The following YY1AP1 variants were observed in gnomAD, a reference collection of about 807,000 sequenced individuals.
YY1AP1 encodes YY1 associated protein 1.
In YY1AP1, 43 loss-of-function variants were observed where a neutral mutation model predicts 39.9. The observed-to-expected ratio is 1.08, with a 90% CI of 0.84 to 1.39. The LOEUF (loss-of-function observed/expected upper bound fraction) is 1.39, where lower values mean the gene tolerates loss of function less well. Among genes scored for constraint, YY1AP1 ranks in the 40% most tolerant of loss-of-function variants. The pLI, the probability that YY1AP1 is intolerant of heterozygous loss-of-function variation, is 0.00. For missense variants in YY1AP1, 813 were observed against 900.7 expected (o/e 0.90, Z 1.25); for synonymous variants, 292 against 331.3 (o/e 0.88, Z 1.29).
Position 155,665,534 on chromosome 1 carries a change from C to T in YY1AP1, c.879+3093G>A, listed in dbSNP as rs973784896. Among the ~76,000 whole-genome samples the T allele has an allele frequency of 2.6e-5, 4 of 151,632 alleles. No homozygotes were observed. The East Asian group carries it at 5.8e-4, about 22-fold the overall frequency. On this transcript the variant is annotated intron_variant, in intron 9 of 10. Coordinates refer to ENST00000355499, the MANE Select transcript of YY1AP1 (RefSeq NM_139119.3). ...GAATTGCTTGAACCCGGGAGGCGGA[C>T]GTTGCAGTGAGCCAAGATCATCGCG...
chr1:155,686,226 G>A (rs1466739053), intron 2 of YY1AP1, among the ~76,000 whole-genome samples: 2 of 151,440 alleles, frequency 1.3e-5, no homozygotes, highest in Non-Finnish European at 2.9e-5. Flanking sequence ...TAGTAGAGAC[G>A]GGGTTTCATC....
At chr1:155,673,271 C>T (rs899497269) in intron 6 of YY1AP1, among the ~76,000 whole-genome samples, 7 of 152,142 alleles carry the variant, frequency 4.6e-5, no homozygotes, top group Non-Finnish European at 7.3e-5. Flanking sequence ...GCCTCGGCCT[C>T]TCATAGTGCT....
intron 3 of YY1AP1, 134 bp from the exon 4 acceptor site, chr1:155,679,646 C>A (rs1651243385): frequency 6.5e-7 from 1 of 1,538,064 alleles, no homozygotes; most frequent in Non-Finnish European, 8.8e-7. Context: ...TACATCAGAA[C>A]CTTTCTCACT....
At chr1:155,679,009 T>C in intron 4 of YY1AP1, 1 of 614,766 alleles carries the variant, frequency 1.6e-6, no homozygotes, top group Non-Finnish European at 2.4e-6. Context: ...GCTCCACTAA[T>C]GCCTAGGTGA....
intron 6 of YY1AP1, 183 bp downstream of exon 6, chr1:155,674,827 A>C (rs1407136623): frequency 1.9e-6 from 1 of 520,716 alleles, no homozygotes; most frequent in Non-Finnish European, 3.4e-6. Context: ...CCCTGTCTCA[A>C]AAAAGAAAAG....
chr1:155,675,167 T>A, intron 5 of YY1AP1, 71 bp from the exon 6 acceptor site: 1 of 1,460,946 alleles, frequency 6.8e-7, no homozygotes, highest in Admixed American at 1.8e-5. Context: ...GAGATATTTT[T>A]TTTTCCCCCT....
chr1:155,673,233 C>T (rs772893169), intron 6 of YY1AP1, among the ~76,000 whole-genome samples: 1 of 152,158 alleles, frequency 6.6e-6, no homozygotes, highest in Non-Finnish European at 1.5e-5. Context: ...CCAGGCTGAT[C>T]TCGAACTCCT....
At chr1:155,663,168 C>G (rs1184432091) in intron 9 of YY1AP1, among the ~76,000 whole-genome samples, 21 of 151,740 alleles carry the variant, frequency 1.4e-4, no homozygotes. Context: ...GTCAGGAGAT[C>G]AAGACCATCC....
upstream of YY1AP1, chr1:155,688,993 G>T (rs1459750738): frequency 2.3e-5 from 37 of 1,602,650 alleles, no homozygotes; most frequent in Non-Finnish European, 3.1e-5. Context: ...GCGGCGAGGG[G>T]ATCGAGGGCG....
At position 155,668,772 on chromosome 1, in the gene YY1AP1, A is replaced by C. The variant is rs1375927985; in HGVS notation, c.734T>G (p.Leu245Ter). The C allele has an allele frequency of 6.2e-7, 1 of 1,614,190 alleles. No individual in the cohort carries two copies. Among genetic ancestry groups the C allele is most frequent in the Non-Finnish European group, 8.5e-7 (1 of 1,180,010 alleles). Residue 245 changes from leucine (L) to a stop codon, truncating the protein, a stop_gained, in exon 9 of 11, where the codon TTA (leucine) becomes TGA (stop). Coordinates refer to ENST00000355499, the MANE Select transcript of YY1AP1 (RefSeq NM_139119.3). LOFTEE classifies it high-confidence loss of function. ...TTCAAAATGCTTCAGTCCTAAAGCT[A>C]ACAAACTGAGAAAGGAGCAATAACA... Reference protein sequence around the residue: ...ILFTKAEDNLLALGLKHFEGT... With the variant: ...ILFTKAEDNL
intron 3 of YY1AP1, chr1:155,680,085 G>C (rs1651300389): frequency 8.0e-6 from 2 of 248,548 alleles, no homozygotes; most frequent in Non-Finnish European, 1.6e-5. Context: ...GCTTAGATGA[G>C]AGAATTGTTT....
chr1:155,687,285 G>A (rs1652589466), intron 2 of YY1AP1, among the ~76,000 whole-genome samples: 1 of 149,394 alleles, frequency 6.7e-6, no homozygotes, highest in African/African-American at 2.5e-5. Flanking sequence ...AACTGGCTAT[G>A]CCAAGTTTCT....
chr1:155,679,642 A>AC lies in YY1AP1; in HGVS notation c.22-131_22-130insG, dbSNP rs1651242657. The AC allele has an allele frequency of 5.2e-6, 8 of 1,542,064 alleles. No individual in the cohort carries two copies. In the Admixed American group the frequency reaches 1.2e-4, roughly 23 times the overall value. On this transcript the variant is annotated intron_variant, in intron 3 of 10. Coordinates refer to ENST00000355499, the MANE Select transcript of YY1AP1 (RefSeq NM_139119.3). ...CTGGCACCCAGAAAGAGCCTACATC[A>AC]GAACCTTTCTCACTTCAGGACTCCT...
At chr1:155,679,913 T>A (rs1651274271) in intron 3 of YY1AP1, 4 of 504,040 alleles carry the variant, frequency 7.9e-6, no homozygotes, top group Non-Finnish European at 1.2e-5. Context: ...AGGGGCAAGA[T>A]GTGCTGGCTC....
chr1:155,686,885 C>T (rs998657482), intron 2 of YY1AP1, among the ~76,000 whole-genome samples: 32 of 151,854 alleles, frequency 2.1e-4, no homozygotes, highest in Non-Finnish European at 4.6e-4. Context: ...TCCTATCTTT[C>T]CAGCATACTC....
In YY1AP1 at chr1:155,672,607, G is replaced by A; in HGVS notation, c.536C>T (p.Thr179Ile). The A allele has an allele frequency of 6.2e-7, 1 of 1,613,050 alleles. No individual in the cohort carries two copies. The highest frequency in any genetic ancestry group is 8.5e-7 in the Non-Finnish European group (1 of 1,179,102). The change falls in exon 7 of 11, where the codon ACA becomes ATA. Residue 179 changes from threonine to isoleucine, a missense_variant. This residue lies in a region of YY1AP1 where 31 missense variants were observed against 63.7 expected (regional missense o/e 0.49). Coordinates refer to ENST00000355499, the MANE Select transcript of YY1AP1 (RefSeq NM_139119.3). Reference protein sequence around the residue: ...GAMQLIEDFSTHVSIDCSPHK... With the variant: ...GAMQLIEDFSIHVSIDCSPHK... ...AGGGCTGCAGTCAATGCTGACATGT[G>A]TGCTGAAGTCTTCAATCAGCTGCAT... is the stretch of plus-strand genomic sequence containing the variant.
upstream of YY1AP1, chr1:155,688,880 C>T (rs764054066): frequency 1.2e-5 from 20 of 1,610,512 alleles, no homozygotes; most frequent in South Asian, 2.2e-4. Context: ...TCTGGCTTGC[C>T]GTTTGACTGG....
At position 155,660,791 on chromosome 1, in the gene YY1AP1, C is replaced by T. The variant is rs372715992; in HGVS notation, c.1119G>A (p.Glu373=). The part of the protein sequence containing the change: ...SDQGLEKDNS[E]LGSETRYPLL... The stretch of plus-strand genomic sequence containing the variant: ...GTGGGTACCGAGTTTCACTCCCCAA[C>T]TCTGAGTTGTCTTTTTCTAGGCCTT... Residue 373 remains glutamate, a synonymous_variant, in exon 11 of 11, where the codon GAG becomes GAA. Coordinates refer to ENST00000355499, the MANE Select transcript of YY1AP1 (RefSeq NM_139119.3). 18 of 1,614,108 alleles carry T rather than the reference C, an allele frequency of 1.1e-5. No homozygotes were observed. Among genetic ancestry groups the T allele is most frequent in the Non-Finnish European group, 1.5e-5 (18 of 1,180,052 alleles).
At chr1:155,668,891 T>C in intron 8 of YY1AP1, 114 bp from the exon 9 acceptor site, 5 of 1,477,050 alleles carry the variant, frequency 3.4e-6, no homozygotes, top group Non-Finnish European at 4.6e-6. Context: ...TAAAACAAGG[T>C]CTCACTCTGT....
Sources: allele counts gnomAD v4.1 joint callset (sites outside exome capture counted in the v4.1 genomes callset), GRCh38; gene constraint gnomAD v4.1.1; regional missense constraint gnomAD v4.1.1; transcripts MANE v1.5; gene names NCBI Gene and HGNC (gene_info 2026-07-23, HGNC 2026-07-21).